TEAD1: variants seen among roughly 807,000 people sequenced by gnomAD.
The protein encoded by TEAD1 is transcriptional enhancer factor TEF-1.
A neutral mutation model predicts 54.9 loss-of-function variants in TEAD1; 9 were observed. The observed-to-expected ratio is 0.16, with a 90% CI of 0.10 to 0.29. The LOEUF (loss-of-function observed/expected upper bound fraction) is 0.29. TEAD1 is among the 10% of genes least tolerant of loss of function. The pLI, the probability that TEAD1 is intolerant of heterozygous loss-of-function variation, is 1.00. For missense variants in TEAD1, 387 were observed against 535.9 expected (o/e 0.72, Z 2.74); for synonymous variants, 200 against 187.8 (o/e 1.07, Z -0.53).
At chr11:12,788,139 C>CT (rs541990107) in intron 3 of TEAD1, among the ~76,000 whole-genome samples, 2,153 of 129,268 alleles carry the variant, frequency 0.017, 39 homozygotes, top group Middle Eastern at 0.082. Context: ...CTAATTTTGT[C>CT]TTTTTTTTTT....
At chr11:12,934,426 A>G (rs1949065078) in intron 12 of TEAD1, among the ~76,000 whole-genome samples, 1 of 152,166 alleles carries the variant, frequency 6.6e-6, no homozygotes, top group Non-Finnish European at 1.5e-5. Flanking sequence ...GCATTAGGAG[A>G]TAATACCTAA....
intron 2 of TEAD1, among the ~76,000 whole-genome samples, chr11:12,758,721 T>A (rs964292807): frequency 3.9e-5 from 6 of 151,948 alleles, no homozygotes; most frequent in South Asian, 2.1e-4. Context: ...GCCATTTTTT[T>A]AAATAGAGGC....
chr11:12,906,124 T>C (rs908216094), intron 10 of TEAD1, among the ~76,000 whole-genome samples: 1 of 152,142 alleles, frequency 6.6e-6, no homozygotes, highest in Non-Finnish European at 1.5e-5. Flanking sequence ...AGCTTTACAG[T>C]GTCTCATGCC....
chr11:12,734,474 G>A (rs1265681168), intron 2 of TEAD1, among the ~76,000 whole-genome samples: 1 of 152,142 alleles, frequency 6.6e-6, no homozygotes, highest in Non-Finnish European at 1.5e-5. Flanking sequence ...AAAGTCTACA[G>A]TAGCGTACAG....
chr11:12,784,762 T>C (rs1421107040), intron 3 of TEAD1, among the ~76,000 whole-genome samples: 3 of 152,202 alleles, frequency 2.0e-5, no homozygotes, highest in Non-Finnish European at 4.4e-5. Flanking sequence ...TCCTTCCCTT[T>C]CCTTAAGTCA....
At chr11:12,856,943 C>G (rs1329934680) in intron 3 of TEAD1, among the ~76,000 whole-genome samples, 1 of 152,172 alleles carries the variant, frequency 6.6e-6, no homozygotes, top group African/African-American at 2.4e-5. Context: ...TTGAGTGTCT[C>G]TGGGCTACAA....
intron 2 of TEAD1, among the ~76,000 whole-genome samples, chr11:12,687,852 A>G (rs1319673058): frequency 6.6e-6 from 1 of 152,068 alleles, no homozygotes; most frequent in Non-Finnish European, 1.5e-5. Context: ...GTGACTGGTT[A>G]TACTCACCGT....
intron 3 of TEAD1, among the ~76,000 whole-genome samples, chr11:12,820,777 T>C (rs548097967): frequency 6.6e-6 from 1 of 152,330 alleles, no homozygotes; most frequent in East Asian, 1.9e-4. Context: ...CAAATTAAAA[T>C]ATCTTTATTA....
chr11:12,712,619 A>G (rs1438412223), intron 2 of TEAD1, among the ~76,000 whole-genome samples: 2 of 152,224 alleles, frequency 1.3e-5, no homozygotes, highest in African/African-American at 4.8e-5. Flanking sequence ...CTTAAATGTT[A>G]TTACCACCAC....
chr11:12,849,987 T>A (rs1947237864), intron 3 of TEAD1, among the ~76,000 whole-genome samples: 1 of 152,204 alleles, frequency 6.6e-6, no homozygotes, highest in African/African-American at 2.4e-5. Context: ...ATGTTCAATT[T>A]CAACAACATT....
At chr11:12,928,283 C>CTTT (rs35934347) in intron 11 of TEAD1, among the ~76,000 whole-genome samples, 6 of 135,492 alleles carry the variant, frequency 4.4e-5, no homozygotes, top group South Asian at 2.3e-4. Context: ...TTTTCTTTTC[C>CTTT]TTTTTTTTTT....
intron 11 of TEAD1, among the ~76,000 whole-genome samples, chr11:12,925,430 G>T (rs1589995509): frequency 6.6e-6 from 1 of 152,174 alleles, no homozygotes; most frequent in African/African-American, 2.4e-5. Context: ...CACAGGAACA[G>T]CCTGGGGGCC....
chr11:12,711,336 A>G (rs1943934451), intron 2 of TEAD1, among the ~76,000 whole-genome samples: 1 of 152,210 alleles, frequency 6.6e-6, no homozygotes, highest in Non-Finnish European at 1.5e-5. Context: ...TAGTAATGAC[A>G]TAATTCATAT....
intron 3 of TEAD1, among the ~76,000 whole-genome samples, chr11:12,801,105 G>T (rs1946050420): frequency 6.6e-6 from 1 of 152,214 alleles, no homozygotes; most frequent in Admixed American, 6.5e-5. Context: ...AGGGGCTTGG[G>T]CTGAAAGCCT....
At chr11:12,676,321 T>C (rs534720295) in intron 2 of TEAD1, among the ~76,000 whole-genome samples, 4 of 152,298 alleles carry the variant, frequency 2.6e-5, no homozygotes, top group Admixed American at 2.6e-4. Context: ...GTTACCTGAG[T>C]AGACATATCC....
intron 3 of TEAD1, among the ~76,000 whole-genome samples, chr11:12,853,035 A>G (rs1947306269): frequency 2.0e-5 from 3 of 152,120 alleles, no homozygotes; most frequent in Non-Finnish European, 1.5e-5. Flanking sequence ...GGTCTTTCCC[A>G]GTTGCTGGTC....
intron 2 of TEAD1, among the ~76,000 whole-genome samples, chr11:12,697,537 G>A (rs1320751951): frequency 6.6e-6 from 1 of 152,146 alleles, no homozygotes; most frequent in Non-Finnish European, 1.5e-5. Context: ...ATTAGCAGAT[G>A]TACATACATG....
chr11:12,787,304 G>C (rs1945698582), intron 3 of TEAD1, among the ~76,000 whole-genome samples: 1 of 152,114 alleles, frequency 6.6e-6, no homozygotes, highest in Non-Finnish European at 1.5e-5. Context: ...TCATTTAAGG[G>C]ATACATTCCT....
intron 5 of TEAD1, chr11:12,878,806 T>TAC: frequency 2.3e-6 from 2 of 864,942 alleles, no homozygotes; most frequent in South Asian, 3.0e-5. Context: ...TACACATATA[T>TAC]ATATGTTTTT....
Sources: allele counts gnomAD v4.1 joint callset (sites outside exome capture counted in the v4.1 genomes callset), GRCh38; gene constraint gnomAD v4.1.1; transcripts MANE v1.5; gene names NCBI Gene and HGNC (gene_info 2026-07-23, HGNC 2026-07-21).